The following ERC2 variants were observed in gnomAD, a reference collection of about 807,000 sequenced individuals.
The protein encoded by ERC2 is ELKS/RAB6-interacting/CAST family member 2.
In ERC2, 42 loss-of-function variants were observed where a neutral mutation model predicts 114.8. That is an observed-to-expected ratio of 0.37 (90% CI 0.29 to 0.47). The LOEUF (loss-of-function observed/expected upper bound fraction) is 0.47. ERC2 is among the 20% of genes least tolerant of loss of function. The pLI is 0.99. For missense variants in ERC2, 939 were observed against 1,150.7 expected (o/e 0.82, Z 2.66); for synonymous variants, 454 against 425.5 (o/e 1.07, Z -0.82).
intron 14 of ERC2, among the ~76,000 whole-genome samples, chr3:55,751,458 A>T (rs2066700740): frequency 6.6e-6 from 1 of 152,194 alleles, no homozygotes; most frequent in Admixed American, 6.5e-5. Flanking sequence ...GTAAAATATG[A>T]CATACTCTGC....
chr3:55,624,306 G>A (rs116279804), intron 17 of ERC2, among the ~76,000 whole-genome samples: 1 of 152,234 alleles, frequency 6.6e-6, no homozygotes, highest in South Asian at 2.1e-4. Context: ...CATGCGGGAG[G>A]AATGTGAGGA....
intron 1 of ERC2, among the ~76,000 whole-genome samples, chr3:56,449,220 G>T (rs186108468): frequency 8.0e-4 from 121 of 152,182 alleles, no homozygotes; most frequent in African/African-American, 2.6e-3. Flanking sequence ...CCCCCAAGAA[G>T]ATGTACTAGG....
At chr3:55,943,137 C>G (rs979996095) in intron 13 of ERC2, among the ~76,000 whole-genome samples, 8 of 152,060 alleles carry the variant, frequency 5.3e-5, no homozygotes, top group African/African-American at 1.9e-4. Flanking sequence ...CTAGACTGGC[C>G]CTTTTGATGC....
At position 55,838,214 on chromosome 3, in the gene ERC2, T is replaced by C. The variant is rs565707759; in HGVS notation, c.2564+50175A>G. Among the ~76,000 whole-genome samples, 7 of 152,166 alleles carry C rather than the reference T, an allele frequency of 4.6e-5. 1 individual carries two copies. The South Asian group carries it at 1.4e-3, about 32-fold the overall frequency. On this transcript the variant is annotated intron_variant, in intron 14 of 17. Transcript: ENST00000288221. The stretch of plus-strand genomic sequence containing the variant: ...TGCATTATTAACCACTTTGACTTAA[T>C]TGACATTTTAGAACACTCCACTCAA...
At chr3:56,037,269 T>C (rs1417660802) in intron 7 of ERC2, among the ~76,000 whole-genome samples, 1 of 152,188 alleles carries the variant, frequency 6.6e-6, no homozygotes, top group African/African-American at 2.4e-5. Context: ...TAAAGGAGTA[T>C]GTTCTAACCC....
intron 7 of ERC2, among the ~76,000 whole-genome samples, chr3:56,050,596 C>T (rs2075718171): frequency 6.6e-6 from 1 of 152,168 alleles, no homozygotes; most frequent in Admixed American, 6.5e-5. Flanking sequence ...CTCTCTGGCT[C>T]AGCAAACACC....
At chr3:56,199,326 G>A (rs1189119478) in intron 3 of ERC2, among the ~76,000 whole-genome samples, 1 of 152,130 alleles carries the variant, frequency 6.6e-6, no homozygotes, top group Non-Finnish European at 1.5e-5. Flanking sequence ...TAAGCAGAGT[G>A]AACTGGATTC....
intron 17 of ERC2, among the ~76,000 whole-genome samples, chr3:55,591,567 TTG>T (rs140226760): frequency 2.4e-4 from 30 of 127,540 alleles, no homozygotes; most frequent in South Asian, 1.9e-3. Flanking sequence ...CCTCAGAAGT[TTG>T]TGTGCGTGTG....
At chr3:55,765,887 G>C (rs145486083) in intron 14 of ERC2, among the ~76,000 whole-genome samples, 55 of 152,256 alleles carry the variant, frequency 3.6e-4, no homozygotes, top group Admixed American at 2.4e-3. Flanking sequence ...TTCTTCTTCA[G>C]TCTCAAAAGA....
At chr3:55,743,362 C>A (rs988844545) in intron 14 of ERC2, among the ~76,000 whole-genome samples, 1 of 152,210 alleles carries the variant, frequency 6.6e-6, no homozygotes, top group Non-Finnish European at 1.5e-5. Context: ...CATTTGGCAT[C>A]CTGCTACAAA....
chr3:55,996,720 A>T (rs963818310), intron 10 of ERC2, among the ~76,000 whole-genome samples: 12 of 152,192 alleles, frequency 7.9e-5, no homozygotes, highest in African/African-American at 2.7e-4. Flanking sequence ...TTTGATGTGA[A>T]CTGACTTTGA....
At chr3:55,706,799 A>G (rs893151564) in intron 15 of ERC2, among the ~76,000 whole-genome samples, 2 of 152,176 alleles carry the variant, frequency 1.3e-5, no homozygotes, top group African/African-American at 4.8e-5. Flanking sequence ...GCACAGGACT[A>G]ACACACCTGT....
chr3:55,583,636 A>G (rs930755934), intron 17 of ERC2, among the ~76,000 whole-genome samples: 8 of 147,500 alleles, frequency 5.4e-5, no homozygotes, highest in African/African-American at 2.0e-4. Flanking sequence ...CTTCCCTATT[A>G]ATTTACTGAG....
intron 2 of ERC2, among the ~76,000 whole-genome samples, chr3:56,356,063 G>A (rs2058735516): frequency 6.6e-6 from 1 of 152,168 alleles, no homozygotes; most frequent in Admixed American, 6.5e-5. Context: ...AGCTCCTGCT[G>A]TGTCCTACCT....
At chr3:55,767,963 G>A (rs1258658598) in intron 14 of ERC2, among the ~76,000 whole-genome samples, 1 of 152,126 alleles carries the variant, frequency 6.6e-6, no homozygotes, top group Non-Finnish European at 1.5e-5. Context: ...TGGATCATGG[G>A]GGCAGATTTC....
chr3:56,210,189 T>A lies in ERC2; in HGVS notation c.1075-36669A>T, dbSNP rs945672369. The stretch of plus-strand genomic sequence containing the variant: ...ATAAATCAGACATAAAGAAGAGAAC[T>A]TGGCAAGGGATTCTAGTCAGTTGCT... On this transcript the variant is annotated intron_variant, in intron 3 of 17. Transcript: ENST00000288221. Among the ~76,000 whole-genome samples the A allele has an allele frequency of 2.0e-5, 3 of 152,324 alleles. No homozygotes were observed. The East Asian group carries it at 5.8e-4, about 29-fold the overall frequency.
chr3:56,241,552 CCAAA>C (rs1320071422), intron 3 of ERC2, among the ~76,000 whole-genome samples: 1 of 152,022 alleles, frequency 6.6e-6, no homozygotes, highest in Non-Finnish European at 1.5e-5. Context: ...GAATATCAAC[CCAAA>C]CAAACAACTT....
chr3:56,160,902 C>G (rs1257772000), intron 4 of ERC2, among the ~76,000 whole-genome samples: 5 of 152,244 alleles, frequency 3.3e-5, no homozygotes, highest in Non-Finnish European at 7.4e-5. Context: ...AGTTTGACAT[C>G]GGGTAATATG....
chr3:55,584,046 G>T (rs531051102), intron 17 of ERC2, among the ~76,000 whole-genome samples: 1 of 152,142 alleles, frequency 6.6e-6, no homozygotes, highest in Non-Finnish European at 1.5e-5. Context: ...TTGATTCATC[G>T]TTAAAAGAGC....
Sources: allele counts gnomAD v4.1 joint callset (sites outside exome capture counted in the v4.1 genomes callset), GRCh38; gene constraint gnomAD v4.1.1; transcripts MANE v1.5; gene names NCBI Gene and HGNC (gene_info 2026-07-23, HGNC 2026-07-21).